DMXL1: variants seen among roughly 807,000 people sequenced by gnomAD.
DMXL1 encodes Dmx like 1, also known as dmX-like protein 1.
DMXL1 carries 99 observed loss-of-function variants against 319.2 expected under a neutral mutation model. The observed-to-expected ratio is 0.31, with a 90% CI of 0.26 to 0.37. The LOEUF is 0.37. DMXL1 is among the 10% of genes least tolerant of loss of function. The pLI is 1.00. For missense variants in DMXL1, 3,745 were observed against 3,595.6 expected, an observed-to-expected ratio of 1.04 and a Z score of -1.06; for synonymous variants, 1,385 against 1,235.2, an observed-to-expected ratio of 1.12 and a Z score of -2.54.
At chr5:119,183,930 A>G (rs755475450) in intron 28 of DMXL1, among the ~76,000 whole-genome samples, 7 of 152,238 alleles carry the variant, frequency 4.6e-5, no homozygotes, top group East Asian at 1.9e-4. Flanking sequence ...ATGTGCATGT[A>G]TAGATTTTTA....
chr5:119,071,702 C>A (rs750960555), intron 1 of DMXL1, 46 bp downstream of exon 1: 5 of 1,527,388 alleles, frequency 3.3e-6, no homozygotes, highest in Non-Finnish European at 3.5e-6. Flanking sequence ...GGCCTTTGCC[C>A]GTCATTCTGG....
At chr5:119,080,748 C>T (rs1179141479) in intron 1 of DMXL1, among the ~76,000 whole-genome samples, 1 of 152,166 alleles carries the variant, frequency 6.6e-6, no homozygotes, top group Non-Finnish European at 1.5e-5. Context: ...ATGAATTCTT[C>T]CCAATGCATT....
intron 10 of DMXL1, among the ~76,000 whole-genome samples, chr5:119,131,820 G>T (rs1281880796): frequency 6.6e-6 from 1 of 152,076 alleles, no homozygotes; most frequent in Non-Finnish European, 1.5e-5. Flanking sequence ...TTAATGCAGA[G>T]CCCATTTCTT....
At position 119,071,481 on chromosome 5, in the gene DMXL1, G is replaced by C. The variant is rs1399945817; in HGVS notation, c.-89G>C. 8.2e-6 allele frequency: 11 copies of C among 1,336,550 alleles called. No homozygotes were observed. In the African/African-American group the frequency reaches 1.6e-4, roughly 20 times the overall value. The allele number at this position is 1,336,550 out of a possible 1,614,324, so 82.8% of individuals were successfully genotyped here. ...CTGCCGTCGCCACCGAAGAGCGGCC[G>C]CCGCCCCTGAGGGAAGGAGGGAGGG... is the stretch of plus-strand genomic sequence containing the variant. On this transcript the variant is annotated 5_prime_UTR_variant, in exon 1 of 44. Transcript: ENST00000539542.
chr5:119,163,533 C>T (rs1772719559), intron 19 of DMXL1, among the ~76,000 whole-genome samples: 1 of 152,204 alleles, frequency 6.6e-6, no homozygotes, highest in Non-Finnish European at 1.5e-5. Context: ...TTTTCTGCCT[C>T]AGCTTCTTGA....
intron 1 of DMXL1, among the ~76,000 whole-genome samples, chr5:119,075,246 T>C (rs1320821490): frequency 2.0e-5 from 3 of 150,074 alleles, no homozygotes; most frequent in Non-Finnish European, 3.0e-5. Flanking sequence ...TTTTTCTTTT[T>C]TTTTTTTTTT....
Position 119,149,870 on chromosome 5 carries a change from A to G in DMXL1, c.4043A>G (p.His1348Arg). 2 of 1,613,956 alleles carry G rather than the reference A, an allele frequency of 1.2e-6. No homozygotes were observed. The highest frequency in any genetic ancestry group is 1.7e-6 in the Non-Finnish European group (2 of 1,179,924). The change falls in exon 18 of 44, where the codon CAT becomes CGT. Residue 1348 changes from histidine to arginine, a missense_variant. This residue lies in a region of DMXL1 where 2,096 missense variants were observed against 1,985.4 expected (regional missense o/e 1.06). Transcript: ENST00000539542. Reference sequence around the variant, plus strand: ...CGGAGAGCCAAGGCCATCTTGTCCCATCTTGTTAAGTGCATTGCTGGGGAA... The same window carrying G: ...CGGAGAGCCAAGGCCATCTTGTCCCGTCTTGTTAAGTGCATTGCTGGGGAA... ...KVRRAKAILSHLVKCIAGEVV... is the reference protein window; with the variant it reads ...KVRRAKAILSRLVKCIAGEVV...
intron 8 of DMXL1, among the ~76,000 whole-genome samples, chr5:119,119,656 T>A (rs1036785687): frequency 6.6e-6 from 1 of 151,652 alleles, no homozygotes; most frequent in Non-Finnish European, 1.5e-5. Flanking sequence ...ATTACAGGTG[T>A]GCATCACCAC....
intron 2 of DMXL1, among the ~76,000 whole-genome samples, chr5:119,098,598 T>A (rs968754588): frequency 4.6e-5 from 7 of 152,214 alleles, no homozygotes; most frequent in Admixed American, 3.9e-4. Flanking sequence ...TATCTGGACT[T>A]CTATTTGCAT....
intron 33 of DMXL1, 101 bp downstream of exon 33, chr5:119,203,537 C>A: frequency 1.7e-6 from 1 of 591,722 alleles, no homozygotes; most frequent in Non-Finnish European, 2.7e-6. Flanking sequence ...TTTTTGAAAA[C>A]ACGTATCATA....
At chr5:119,204,857 T>C (rs749020222) in intron 33 of DMXL1, among the ~76,000 whole-genome samples, 1 of 152,196 alleles carries the variant, frequency 6.6e-6, no homozygotes, top group Non-Finnish European at 1.5e-5. Flanking sequence ...AGAAATAAAT[T>C]GAATGGCTTC....
At chr5:119,108,571 G>A (rs556079753) in intron 4 of DMXL1, among the ~76,000 whole-genome samples, 3 of 151,990 alleles carry the variant, frequency 2.0e-5, no homozygotes, top group South Asian at 2.1e-4. Context: ...CTACAAGTGC[G>A]TGTCTAACTA....
intron 9 of DMXL1, among the ~76,000 whole-genome samples, chr5:119,125,300 T>C (rs1763276993): frequency 6.6e-6 from 1 of 152,212 alleles, no homozygotes; most frequent in Non-Finnish European, 1.5e-5. Context: ...AAAAGATTGA[T>C]TCATTAGCTT....
In DMXL1 at chr5:119,202,885, T is replaced by TATATATATATATATATATATATTTA. The variant is rs1554139437; in HGVS notation, c.7746-434_7746-433insATATATATATATATATATATATTTA. 1.7e-4 allele frequency among the ~76,000 whole-genome samples: 22 copies of TATATATATATATATATATATATTTA among 130,772 alleles called. No individual in the cohort carries two copies. In the East Asian group the frequency reaches 4.3e-3, roughly 26 times the overall value. The allele number at this position is 130,772 out of a possible 152,430, so 85.8% of individuals were successfully genotyped here. On this transcript the variant is annotated intron_variant, in intron 32 of 43. Coordinates refer to ENST00000539542, the MANE Select transcript of DMXL1 (RefSeq NM_001290321.3). ...CATACATATATATATATATATATTT[T>TATATATATATATATATATATATTTA]TATATATATATATATATATATTTAT... is the stretch of plus-strand genomic sequence containing the variant.
rs1561963700 is a variant in DMXL1, at chr5:119,247,006, C to G, written c.8934C>G (p.Leu2978=). Residue 2978 remains leucine, a synonymous_variant, in exon 44 of 44, where the codon CTC becomes CTG. Transcript: ENST00000539542. ...TTAATATCTTTCAGATTTGGAGTCT[C>G]TCTACCTTTGGTCTTCTCCATACTT... ...SAEGNIKIWS[L]STFGLLHTFV... is the part of the protein sequence containing the mutation. The G allele has an allele frequency of 2.5e-6, 4 of 1,610,212 alleles. No individual in the cohort carries two copies. The highest frequency in any genetic ancestry group is 3.4e-6 in the Non-Finnish European group (4 of 1,177,278).
chr5:119,226,845 A>G (rs1248684559), intron 38 of DMXL1, among the ~76,000 whole-genome samples: 1 of 152,202 alleles, frequency 6.6e-6, no homozygotes, highest in African/African-American at 2.4e-5. Context: ...TCAGTTTATT[A>G]TAAAAGAAAC....
At chr5:119,222,223 A>T (rs144113879) in intron 37 of DMXL1, among the ~76,000 whole-genome samples, 9 of 152,170 alleles carry the variant, frequency 5.9e-5, no homozygotes, top group Non-Finnish European at 8.8e-5. Flanking sequence ...CATTCTTCAG[A>T]TGAAGCTTGA....
At chr5:119,141,228 C>A (rs960547475) in intron 13 of DMXL1, among the ~76,000 whole-genome samples, 2 of 152,094 alleles carry the variant, frequency 1.3e-5, no homozygotes, top group African/African-American at 4.8e-5. Context: ...CACTCCTATT[C>A]AGCATATTAT....
intron 9 of DMXL1, among the ~76,000 whole-genome samples, chr5:119,122,724 C>A (rs905255373): frequency 9.9e-5 from 15 of 151,832 alleles, no homozygotes; most frequent in South Asian, 2.1e-4. Context: ...GGCAGAGACG[C>A]TCCTCACTTC....
Sources: gnomAD v4.1 joint callset for allele counts (sites outside exome capture counted in the v4.1 genomes callset) on GRCh38, gnomAD v4.1.1 for gene constraint, gnomAD v4.1.1 regional missense constraint, MANE v1.5 for transcripts, NCBI Gene and HGNC (gene_info 2026-07-23, HGNC 2026-07-21) for gene names.